The following CEP128 variants were observed in gnomAD, a reference collection of about 807,000 sequenced individuals.
CEP128 encodes the protein centrosomal protein 128.
A neutral mutation model predicts 156.7 loss-of-function variants in CEP128; 132 were observed. The observed-to-expected ratio is 0.84, with a 90% CI of 0.73 to 0.97. CEP128 has a LOEUF of 0.97. CEP128 is among the 50% of genes least tolerant of loss of function. The pLI is 0.00. For missense variants in CEP128, 1,252 were observed against 1,281.9 expected, an observed-to-expected ratio of 0.98 and a Z score of 0.36; for synonymous variants, 469 against 448.9, an observed-to-expected ratio of 1.04 and a Z score of -0.57.
intron 21 of CEP128, 166 bp from the exon 22 acceptor site, chr14:80,531,052 T>C (rs965086850): frequency 8.3e-6 from 3 of 363,460 alleles, no homozygotes; most frequent in Non-Finnish European, 1.0e-5. Context: ...TAAATGTATC[T>C]TTTGAAAATA....
chr14:80,720,131 A>G (rs1413239565), intron 19 of CEP128, among the ~76,000 whole-genome samples: 2 of 152,098 alleles, frequency 1.3e-5, no homozygotes, highest in African/African-American at 4.8e-5. Flanking sequence ...GATGGGGGCA[A>G]AAAAACTACT....
rs192371690 is a variant in CEP128 at position 80,678,095 on chromosome 14, A to G, written c.2806+64980T>C. Among the ~76,000 whole-genome samples the G allele has an allele frequency of 4.3e-3, 594 of 136,790 alleles. 7 individuals carry two copies. The highest frequency in any genetic ancestry group is 0.017 in the African/African-American group (567 of 32,700). The allele number at this position is 136,790 out of a possible 152,430, so 89.7% of individuals were successfully genotyped here. A position where few individuals can be genotyped will look rare whatever the true frequency, so the allele number is the denominator to read the frequency against. The stretch of plus-strand genomic sequence containing the variant: ...ATATATATGCTCAAGGAAACATGAC[A>G]CAGTAGCTGAAGTTAGGAAGAACTG... On this transcript the variant is annotated intron_variant, in intron 19 of 24. Coordinates refer to ENST00000555265, the MANE Select transcript of CEP128 (RefSeq NM_152446.5).
Position 80,785,532 on chromosome 14 carries a change from T to A in CEP128, c.1574A>T (p.Lys525Met). ...ATACAGCTGGGTTTTCAATTCATCCTTTTCTTTTAAAATCTATCAGGTTAA... is the reference window on the plus strand; with the variant it reads ...ATACAGCTGGGTTTTCAATTCATCCATTTCTTTTAAAATCTATCAGGTTAA... ...TGKNNQILKEKDELKTQLYAA... is the reference protein window; with the variant it reads ...TGKNNQILKEMDELKTQLYAA... Residue 525 changes from lysine (K) to methionine (M), a missense_variant, in exon 15 of 25, where the codon AAG (lysine) becomes ATG (methionine). Lys to Met is a moderately conservative substitution (Grantham distance 95, BLOSUM62 -1). Transcript: ENST00000555265. 6.2e-7 allele frequency: 1 copy of A among 1,602,372 alleles called. No homozygotes were observed. Among genetic ancestry groups the A allele is most frequent in the Non-Finnish European group, 8.5e-7 (1 of 1,175,240 alleles).
chr14:80,884,118 C>T (rs1303822870), intron 8 of CEP128, among the ~76,000 whole-genome samples: 2 of 152,152 alleles, frequency 1.3e-5, no homozygotes, highest in African/African-American at 2.4e-5. Flanking sequence ...CACTATGAAA[C>T]TATTACAAAG....
chr14:80,576,364 C>T (rs1394776608), intron 20 of CEP128, among the ~76,000 whole-genome samples: 2 of 152,022 alleles, frequency 1.3e-5, no homozygotes, highest in African/African-American at 2.4e-5. Context: ...TAGTCAAAGA[C>T]AATACTTTAA....
chr14:80,482,427 A>T (rs978099267), intron 14 of CEP128, among the ~76,000 whole-genome samples: 1 of 152,204 alleles, frequency 6.6e-6, no homozygotes, highest in Non-Finnish European at 1.5e-5. Flanking sequence ...TTATAATGTC[A>T]TCAGTAACAT....
intron 11 of CEP128, among the ~76,000 whole-genome samples, chr14:80,836,557 C>G (rs542467445): frequency 6.6e-6 from 1 of 151,666 alleles, no homozygotes; most frequent in South Asian, 2.1e-4. Context: ...TGGAATGTGA[C>G]TAGATTTTTT....
chr14:80,909,455 A>AG (rs1300549954), intron 4 of CEP128, among the ~76,000 whole-genome samples: 6 of 152,038 alleles, frequency 3.9e-5, no homozygotes, highest in Non-Finnish European at 5.9e-5. Flanking sequence ...ACATAACAGA[A>AG]GAACATTAAA....
chr14:80,648,640 A>C (rs568108352), intron 19 of CEP128, among the ~76,000 whole-genome samples: 1 of 152,272 alleles, frequency 6.6e-6, no homozygotes, highest in African/African-American at 2.4e-5. Context: ...GAATACCTAC[A>C]TATTTGTAAA....
chr14:80,678,014 T>C (rs550737156), intron 19 of CEP128, among the ~76,000 whole-genome samples: 2 of 140,114 alleles, frequency 1.4e-5, no homozygotes, highest in Admixed American at 7.1e-5. Flanking sequence ...ATCCAACCTC[T>C]ACTTTCAACA....
chr14:80,640,370 C>T (rs1894357475), intron 19 of CEP128, among the ~76,000 whole-genome samples: 1 of 152,104 alleles, frequency 6.6e-6, no homozygotes, highest in Non-Finnish European at 1.5e-5. Flanking sequence ...ATTATTTTGA[C>T]TGTCTCATTT....
chr14:80,532,687 T>TGAATGATA (rs2140282111), intron 21 of CEP128, among the ~76,000 whole-genome samples: 1 of 152,336 alleles, frequency 6.6e-6, no homozygotes, highest in Non-Finnish European at 1.5e-5. Context: ...ATTTGATTGC[T>TGAATGATA]TTCCATTGCT....
At chr14:80,551,172 T>C (rs1890193922) in intron 21 of CEP128, among the ~76,000 whole-genome samples, 1 of 152,162 alleles carries the variant, frequency 6.6e-6, no homozygotes, top group Admixed American at 6.5e-5. Flanking sequence ...AAGCAAAGAA[T>C]GAGAAACCAC....
chr14:80,826,325 A>C (rs1361111778), intron 13 of CEP128, among the ~76,000 whole-genome samples: 1 of 152,144 alleles, frequency 6.6e-6, no homozygotes, highest in Non-Finnish European at 1.5e-5. Flanking sequence ...GGTATTAAAA[A>C]TTACTTGCTA....
chr14:80,911,611 C>T (rs1884219178), intron 4 of CEP128, among the ~76,000 whole-genome samples: 1 of 152,154 alleles, frequency 6.6e-6, no homozygotes, highest in Non-Finnish European at 1.5e-5. Context: ...TACTTCTGCC[C>T]CCGCTCTTTT....
At chr14:80,840,651 A>G (rs1031371561) in intron 10 of CEP128, 31 bp downstream of exon 10, 2 of 1,434,818 alleles carry the variant, frequency 1.4e-6, no homozygotes, top group African/African-American at 1.4e-5. Flanking sequence ...AAACCACTTT[A>G]TTCTTTGAAA....
chr14:80,664,615 T>C (rs2140907063), intron 19 of CEP128, among the ~76,000 whole-genome samples: 1 of 152,286 alleles, frequency 6.6e-6, no homozygotes, highest in Non-Finnish European at 1.5e-5. Flanking sequence ...ACTGTGGCCA[T>C]GGAAGGATAA....
chr14:80,656,328 TA>T, intron 19 of CEP128, among the ~76,000 whole-genome samples: 1 of 18,360 alleles, frequency 5.4e-5, no homozygotes, highest in East Asian at 9.8e-4. Context: ...TATATATATA[TA>T]TATATATATA....
At chr14:80,823,301 G>A (rs754672207) in intron 13 of CEP128, among the ~76,000 whole-genome samples, 9 of 152,170 alleles carry the variant, frequency 5.9e-5, no homozygotes, top group East Asian at 1.9e-4. Context: ...TCGAGATTGC[G>A]GATCTTCAGA....
Sources: gnomAD v4.1 joint callset for allele counts (sites outside exome capture counted in the v4.1 genomes callset) on GRCh38, gnomAD v4.1.1 for gene constraint, MANE v1.5 for transcripts, NCBI Gene and HGNC (gene_info 2026-07-23, HGNC 2026-07-21) for gene names.